FAM78B: variants seen among roughly 807,000 people sequenced by gnomAD.
FAM78B encodes the protein protein FAM78B.
A neutral mutation model predicts 20.0 loss-of-function variants in FAM78B; 10 were observed. The ratio of observed to expected loss-of-function variants is 0.50; its 90% CI spans 0.31 to 0.85. The LOEUF is 0.85. Among genes scored for constraint, FAM78B ranks in the 40% least tolerant of loss-of-function variants. The pLI, the probability that FAM78B is intolerant of heterozygous loss-of-function variation, is 0.05. For missense variants in FAM78B, 283 were observed against 345.0 expected, an observed-to-expected ratio of 0.82 and a Z score of 1.42; for synonymous variants, 135 against 132.8, an observed-to-expected ratio of 1.02 and a Z score of -0.12.
At chr1:166,059,871 AG>A (rs971212266) in exon 3 of FAM78B, 2 of 152,268 alleles carry the variant, frequency 1.3e-5, no homozygotes, top group African/African-American at 4.8e-5. Context: ...CTATGGGCCC[AG>A]GAAGACAAAT....
chr1:166,088,220 C>T (rs559943948), intron 1 of FAM78B, among the ~76,000 whole-genome samples: 4 of 152,336 alleles, frequency 2.6e-5, no homozygotes, highest in South Asian at 2.1e-4. Context: ...TGGAACCTCA[C>T]GCTCTTTAGA....
intron 1 of FAM78B, among the ~76,000 whole-genome samples, chr1:166,127,195 G>A (rs902502521): frequency 2.0e-5 from 3 of 152,210 alleles, no homozygotes; most frequent in Non-Finnish European, 4.4e-5. Context: ...CAAGGGCTTT[G>A]AAAAGTGCTT....
In FAM78B at chr1:166,156,482, G is replaced by A. The variant is rs561901403; in HGVS notation, c.263+9504C>T. On this transcript the variant is annotated intron_variant, in intron 1 of 1. Coordinates refer to ENST00000354422, the MANE Select transcript of FAM78B (RefSeq NM_001017961.5). ...CTGGGAGAGGAGGTGGGATGCCTGA[G>A]CATCAGGCCTGAGTCTACCAGTGCT... Among the ~76,000 whole-genome samples the A allele has an allele frequency of 2.6e-5, 4 of 152,282 alleles. No individual in the cohort carries two copies. The South Asian group carries it at 8.3e-4, about 32-fold the overall frequency.
intron 1 of FAM78B, among the ~76,000 whole-genome samples, chr1:166,114,793 T>C (rs1192315815): frequency 2.0e-5 from 3 of 151,188 alleles, no homozygotes; most frequent in Non-Finnish European, 4.4e-5. Flanking sequence ...ATATAGCATA[T>C]TTTTTTGTTG....
intron 1 of FAM78B, among the ~76,000 whole-genome samples, chr1:166,100,635 AGGCTG>A (rs1361882600): frequency 6.6e-6 from 1 of 152,252 alleles, no homozygotes; most frequent in African/African-American, 2.4e-5. Flanking sequence ...GGTGGCAGCA[AGGCTG>A]GGGGAGGGGC....
chr1:166,116,180 T>G (rs1454633452), intron 1 of FAM78B, among the ~76,000 whole-genome samples: 1 of 152,140 alleles, frequency 6.6e-6, no homozygotes, highest in Admixed American at 6.5e-5. Context: ...GGAGACAACA[T>G]CCCTGTGGCA....
At chr1:166,099,562 T>C (rs563697713) in intron 1 of FAM78B, among the ~76,000 whole-genome samples, 30 of 152,218 alleles carry the variant, frequency 2.0e-4, no homozygotes, top group African/African-American at 5.5e-4. Flanking sequence ...TAAAGTTAAA[T>C]TAAAGGGGTG....
chr1:166,102,507 A>T (rs1653568797), intron 1 of FAM78B, among the ~76,000 whole-genome samples: 1 of 152,204 alleles, frequency 6.6e-6, no homozygotes, highest in Non-Finnish European at 1.5e-5. Flanking sequence ...AAAGGGATGG[A>T]GGAAGATCTA....
chr1:166,057,049 C>T (rs911512509), downstream of FAM78B, among the ~76,000 whole-genome samples: 13 of 152,154 alleles, frequency 8.5e-5, no homozygotes, highest in African/African-American at 3.1e-4. Context: ...ATCGAATCTG[C>T]CAGAGCCTTG....
chr1:166,093,221 G>A (rs1304447635), intron 1 of FAM78B, among the ~76,000 whole-genome samples: 1 of 152,166 alleles, frequency 6.6e-6, no homozygotes, highest in Non-Finnish European at 1.5e-5. Flanking sequence ...GGGGCATGCA[G>A]TTTGTGAGAA....
chr1:166,112,197 T>A (rs1203170617), intron 1 of FAM78B, among the ~76,000 whole-genome samples: 1 of 152,232 alleles, frequency 6.6e-6, no homozygotes. Flanking sequence ...TTAGCCTTCT[T>A]ACTTATTTAC....
At chr1:166,153,804 G>A (rs150069180) in intron 1 of FAM78B, among the ~76,000 whole-genome samples, 190 of 152,220 alleles carry the variant, frequency 1.2e-3, no homozygotes, top group Middle Eastern at 3.4e-3. Context: ...GATGCTCGGA[G>A]GTATATACTC....
intron 1 of FAM78B, among the ~76,000 whole-genome samples, chr1:166,097,213 G>A (rs1231672484): frequency 6.6e-6 from 1 of 152,216 alleles, no homozygotes; most frequent in Non-Finnish European, 1.5e-5. Flanking sequence ...GAAAGGCCCT[G>A]GGAGCTTGCT....
exon 3 of FAM78B, chr1:166,060,474 G>T: frequency 1.7e-6 from 1 of 601,586 alleles, no homozygotes; most frequent in Non-Finnish European, 2.8e-6. Context: ...GGCTCGTGGA[G>T]GGTGGGTAGG....
chr1:166,134,996 C>T (rs1655017468), intron 1 of FAM78B, among the ~76,000 whole-genome samples: 1 of 152,120 alleles, frequency 6.6e-6, no homozygotes, highest in Non-Finnish European at 1.5e-5. Flanking sequence ...ACATCTTTCA[C>T]CTGAAGAATT....
chr1:166,138,659 G>A (rs985351257), intron 1 of FAM78B, among the ~76,000 whole-genome samples: 2 of 152,186 alleles, frequency 1.3e-5, no homozygotes, highest in Non-Finnish European at 2.9e-5. Context: ...AGTACTAAAC[G>A]TATTCCTGAA....
chr1:166,062,507 T>C (rs1397127464), intron 2 of FAM78B, among the ~76,000 whole-genome samples: 1 of 152,244 alleles, frequency 6.6e-6, no homozygotes, highest in Admixed American at 6.5e-5. Flanking sequence ...GAGTGGCTCC[T>C]GGGAACAGAT....
chr1:166,161,126 G>A (rs938657536), intron 1 of FAM78B, among the ~76,000 whole-genome samples: 1 of 152,098 alleles, frequency 6.6e-6, no homozygotes, highest in Non-Finnish European at 1.5e-5. Flanking sequence ...CTTAAGAACA[G>A]AAAATCAGAG....
At chr1:166,151,465 A>G (rs965740684) in intron 1 of FAM78B, among the ~76,000 whole-genome samples, 3 of 152,206 alleles carry the variant, frequency 2.0e-5, no homozygotes, top group African/African-American at 4.8e-5. Context: ...CCAGCATCCA[A>G]GGAAGACTCT....
Sources: gnomAD v4.1 joint callset for allele counts (sites outside exome capture counted in the v4.1 genomes callset) on GRCh38, gnomAD v4.1.1 for gene constraint, MANE v1.5 for transcripts, NCBI Gene and HGNC (gene_info 2026-07-23, HGNC 2026-07-21) for gene names.